The following HDAC5 variants were observed in gnomAD, a reference collection of about 807,000 sequenced individuals.
HDAC5 encodes histone deacetylase 5.
Under a neutral mutation model 133.3 loss-of-function variants are expected in HDAC5, and 25 were observed. The observed-to-expected ratio is 0.19, with a 90% CI of 0.14 to 0.26. The LOEUF is 0.26. Among genes scored for constraint, HDAC5 ranks in the 10% least tolerant of loss-of-function variants. The probability of loss-of-function intolerance (pLI) is 1.00; values close to 1 mark genes in which losing one functional copy is unlikely to be tolerated. For synonymous variants in HDAC5, 589 were observed against 610.8 expected (o/e 0.96, Z 0.53); for missense variants, 1,041 against 1,460.5 (o/e 0.71, Z 4.68).
chr17:44,088,794 C>T (rs938035503), intron 11 of HDAC5, among the ~76,000 whole-genome samples, 196 bp from the exon 12 acceptor site: 6 of 152,160 alleles, frequency 3.9e-5, no homozygotes, highest in Non-Finnish European at 8.8e-5. Context: ...TGAAGAGTTT[C>T]ACAGCTCTAA....
At chr17:44,113,121 C>G (rs1423821433) in intron 2 of HDAC5, among the ~76,000 whole-genome samples, 1 of 152,196 alleles carries the variant, frequency 6.6e-6, no homozygotes, top group East Asian at 1.9e-4. Flanking sequence ...GAAGGGCTGG[C>G]TAGCCCTGTC....
intron 20 of HDAC5, chr17:44,082,288 C>T: frequency 2.3e-6 from 1 of 434,672 alleles, no homozygotes. Context: ...GCAATGGCGG[C>T]AGCGTCACTA....
chr17:44,086,533 G>A, intron 14 of HDAC5, 39 bp downstream of exon 14: 1 of 1,281,036 alleles, frequency 7.8e-7, no homozygotes, highest in Non-Finnish European at 9.9e-7. Context: ...AGGCCCTCTG[G>A]TGCCTGGCAG....
At chr17:44,113,919 C>G (rs2052487497) in intron 2 of HDAC5, among the ~76,000 whole-genome samples, 1 of 152,194 alleles carries the variant, frequency 6.6e-6, no homozygotes. Flanking sequence ...TCCCTGAGAC[C>G]CAGATATCAG....
Position 44,089,747 on chromosome 17 carries a change from C to CAAAA in HDAC5, c.1388-1153_1388-1150dup, listed in dbSNP as rs869263828. Among the ~76,000 whole-genome samples the CAAAA allele has an allele frequency of 1.8e-3, 62 of 34,060 alleles. 8 individuals carry two copies. Among genetic ancestry groups the CAAAA allele is most frequent in the African/African-American group, 8.7e-3 (51 of 5,864 alleles). 22.3% of individuals were successfully genotyped at this position (34,060 alleles called of 152,430 possible). Reference sequence around the variant, plus strand: ...GGGCAACAAGAGTGAAACTTCGTCTCAAAAAAAAAAAAAAAAAAAAAAAAA... The same window carrying CAAAA: ...GGGCAACAAGAGTGAAACTTCGTCTCAAAAAAAAAAAAAAAAAAAAAAAAAAAAA... On this transcript the variant is annotated intron_variant, in intron 11 of 26. Transcript: ENST00000682912.
chr17:44,091,208 G>A, intron 11 of HDAC5, 62 bp downstream of exon 11: 2 of 1,229,162 alleles, frequency 1.6e-6, no homozygotes, highest in Non-Finnish European at 1.2e-6. Flanking sequence ...GGGTTGGAGA[G>A]TATCCCTGAC....
At chr17:44,079,972 A>G (rs902709182) in intron 23 of HDAC5, 135 bp downstream of exon 23, 40 of 712,234 alleles carry the variant, frequency 5.6e-5, no homozygotes, top group Non-Finnish European at 9.4e-5. Context: ...GGAGTTACCA[A>G]GATGATTCCA....
At chr17:44,121,631 A>G (rs971042423) in intron 1 of HDAC5, among the ~76,000 whole-genome samples, 3 of 151,324 alleles carry the variant, frequency 2.0e-5, no homozygotes, top group African/African-American at 7.3e-5. Flanking sequence ...GCGGGAACAC[A>G]AATGACCCCC....
intron 3 of HDAC5, among the ~76,000 whole-genome samples, chr17:44,109,607 G>A (rs892407216): frequency 2.0e-5 from 3 of 152,242 alleles, no homozygotes; most frequent in African/African-American, 7.2e-5. Flanking sequence ...ATGTTCCAAA[G>A]ATTTTTTGAA....
chr17:44,108,580 C>T (rs985338829), intron 3 of HDAC5, among the ~76,000 whole-genome samples: 9 of 152,072 alleles, frequency 5.9e-5, no homozygotes, highest in African/African-American at 2.2e-4. Context: ...GCTTTTTCAG[C>T]CATAGGATCT....
At position 44,087,554 on chromosome 17, in the gene HDAC5, C is replaced by T. The variant is rs780964110; in HGVS notation, c.1742G>A (p.Ser581Asn). The T allele has an allele frequency of 1.2e-6, 2 of 1,614,102 alleles. No homozygotes were observed. Among genetic ancestry groups the T allele is most frequent in the Non-Finnish European group, 1.7e-6 (2 of 1,179,970 alleles). Residue 581 changes from serine (S) to asparagine (N), a missense_variant, in exon 13 of 27, where the codon AGC (serine) becomes AAC (asparagine). Physicochemically the swap from Ser to Asn is conservative, Grantham distance 46. Coordinates refer to ENST00000682912, the MANE Select transcript of HDAC5 (RefSeq NM_005474.5). ...CTCCTCCTCCAGGTCTTCCTGTGTG[C>T]TCTCACTCTCTGTGGAGCCCTCCCG... ...MPREGSTESE[S>N]TQEDLEEEDE...
chr17:44,108,198 A>C (rs1346282531), intron 3 of HDAC5, among the ~76,000 whole-genome samples: 1 of 152,182 alleles, frequency 6.6e-6, no homozygotes, highest in African/African-American at 2.4e-5. Context: ...TTTAAGCAAG[A>C]ACAGCAGACT....
intron 24 of HDAC5, 105 bp downstream of exon 24, chr17:44,079,039 T>C (rs1224278350): frequency 2.6e-6 from 4 of 1,533,404 alleles, no homozygotes; most frequent in Admixed American, 1.9e-5. Context: ...AGCTGTTCCT[T>C]AGGACCAAGG....
intron 6 of HDAC5, 137 bp from the exon 7 acceptor site, chr17:44,092,943 G>T: frequency 1.5e-6 from 1 of 662,060 alleles, no homozygotes; most frequent in East Asian, 2.8e-5. Flanking sequence ...GAAGGAATGA[G>T]GAAATAAACC....
chr17:44,119,121 G>A (rs774753521), intron 1 of HDAC5, among the ~76,000 whole-genome samples: 3 of 152,172 alleles, frequency 2.0e-5, no homozygotes, highest in South Asian at 2.1e-4. Flanking sequence ...TGCTCCTGAC[G>A]GGCACAGGTA....
rs757439076 is a variant in HDAC5 at position 44,080,896 on chromosome 17, T to C, written c.2608-14A>G. On this transcript the variant is annotated splice_polypyrimidine_tract_variant and intron_variant, in intron 20 of 26. Coordinates refer to ENST00000682912, the MANE Select transcript of HDAC5 (RefSeq NM_005474.5). ...ATGGTGAATGTCCTATGAGGGGAGG[T>C]AGAAGCATCGGGAAAATGGCCCGCG... 4 of 1,613,652 alleles carry C rather than the reference T, an allele frequency of 2.5e-6. No individual in the cohort carries two copies. Among genetic ancestry groups the C allele is most frequent in the Admixed American group, 3.3e-5 (2 of 59,994 alleles).
intron 10 of HDAC5, 77 bp downstream of exon 10, chr17:44,091,623 G>A (rs2050955224): frequency 1.3e-6 from 2 of 1,503,956 alleles, no homozygotes; most frequent in Admixed American, 2.3e-5. Context: ...CTTGGAAGGG[G>A]AAAACCCCAG....
At chr17:44,101,854 G>T (rs1488823800) in intron 3 of HDAC5, among the ~76,000 whole-genome samples, 1 of 150,814 alleles carries the variant, frequency 6.6e-6, no homozygotes, top group Non-Finnish European at 1.5e-5. Context: ...ACAGGTGAGG[G>T]TCTCAAAAAC....
At chr17:44,106,104 TGTGTGCATGGACACAG>T (rs1232927957) in intron 3 of HDAC5, among the ~76,000 whole-genome samples, 1 of 152,182 alleles carries the variant, frequency 6.6e-6, no homozygotes, top group Non-Finnish European at 1.5e-5. Flanking sequence ...CTGTTACAGC[TGTGTGCATGGACACAG>T]TTAATCTGAT....
Sources: allele counts gnomAD v4.1 joint callset (sites outside exome capture counted in the v4.1 genomes callset), GRCh38; gene constraint gnomAD v4.1.1; transcripts MANE v1.5; gene names NCBI Gene and HGNC (gene_info 2026-07-23, HGNC 2026-07-21).